ST13: variants seen among roughly 807,000 people sequenced by gnomAD.
ST13 encodes the protein ST13 Hsp70 interacting protein, also known as hsc70-interacting protein.
A neutral mutation model predicts 56.7 loss-of-function variants in ST13; 23 were observed. That is an observed-to-expected ratio of 0.41 (90% CI 0.29 to 0.57). The LOEUF (loss-of-function observed/expected upper bound fraction) is 0.57. Ranked by LOEUF, ST13 falls within the 20% of genes least tolerant of loss-of-function variation. The pLI, the probability that ST13 is intolerant of heterozygous loss-of-function variation, is 0.36. For synonymous variants in ST13, 132 were observed against 142.4 expected, an observed-to-expected ratio of 0.93 and a Z score of 0.52; for missense variants, 369 against 459.9, an observed-to-expected ratio of 0.80 and a Z score of 1.81.
At chr22:40,832,013 C>A (rs190775700) in intron 8 of ST13, 32 of 334,966 alleles carry the variant, frequency 9.6e-5, no homozygotes, top group African/African-American at 6.7e-4. Context: ...TGCCACCACA[C>A]CTGGCTAACT....
intron 4 of ST13, 51 bp downstream of exon 4, chr22:40,844,788 G>A (rs1202043081): frequency 7.0e-7 from 1 of 1,431,216 alleles, no homozygotes; most frequent in Non-Finnish European, 9.8e-7. Flanking sequence ...TGCAACAGCA[G>A]GACCTTTCAC....
At chr22:40,826,699 G>T in intron 11 of ST13, 33 bp from the exon 12 acceptor site, 1 of 1,605,450 alleles carries the variant, frequency 6.2e-7, no homozygotes. Flanking sequence ...TATTTAAAAA[G>T]TGTCCTACTG....
chr22:40,856,163 A>G (rs1160534407), intron 1 of ST13, among the ~76,000 whole-genome samples: 2 of 152,176 alleles, frequency 1.3e-5, no homozygotes, highest in Non-Finnish European at 2.9e-5. Context: ...GTGTCCACGC[A>G]TCCGCAGTCC....
At chr22:40,839,687 T>C (rs1443920667) in intron 5 of ST13, among the ~76,000 whole-genome samples, 1 of 147,028 alleles carries the variant, frequency 6.8e-6, no homozygotes, top group African/African-American at 2.5e-5. Context: ...ATTGCTCGAC[T>C]TGGGGTGGAG....
At chr22:40,829,376 G>A (rs2062482651) in intron 10 of ST13, among the ~76,000 whole-genome samples, 1 of 151,950 alleles carries the variant, frequency 6.6e-6, no homozygotes, top group Non-Finnish European at 1.5e-5. Flanking sequence ...CCTGTCCTCT[G>A]GTATTCAAAG....
At chr22:40,844,939 C>A (rs1488303536) in intron 3 of ST13, 30 bp from the exon 4 acceptor site, 7 of 1,554,618 alleles carry the variant, frequency 4.5e-6, no homozygotes, top group Non-Finnish European at 6.2e-6. Flanking sequence ...GACAATAAGA[C>A]CTGCACCGTA....
At chr22:40,839,835 G>C (rs2057794446) in intron 5 of ST13, among the ~76,000 whole-genome samples, 1 of 150,708 alleles carries the variant, frequency 6.6e-6, no homozygotes, top group African/African-American at 2.4e-5. Context: ...TGTTACCTTG[G>C]AGAGTTAAAA....
chr22:40,851,744 G>C (rs570127178), intron 1 of ST13, among the ~76,000 whole-genome samples: 16 of 151,506 alleles, frequency 1.1e-4, no homozygotes, highest in African/African-American at 2.2e-4. Flanking sequence ...AAACAGAAAG[G>C]GTTCTTTTTT....
chr22:40,838,987 T>C (rs2090492885), intron 5 of ST13, among the ~76,000 whole-genome samples: 1 of 152,048 alleles, frequency 6.6e-6, no homozygotes, highest in Admixed American at 6.6e-5. Context: ...ATACAGGATC[T>C]TAGTCTGGCA....
At chr22:40,829,430 A>G (rs976407021) in intron 10 of ST13, among the ~76,000 whole-genome samples, 196 bp downstream of exon 10, 3 of 152,204 alleles carry the variant, frequency 2.0e-5, no homozygotes, top group African/African-American at 7.2e-5. Flanking sequence ...AAAGAAAAAT[A>G]CGCTATTTTT....
chr22:40,841,382 T>C (rs948678951), intron 4 of ST13, among the ~76,000 whole-genome samples: 26 of 151,394 alleles, frequency 1.7e-4, no homozygotes, highest in African/African-American at 6.3e-4. Flanking sequence ...ACCCTACCCC[T>C]GCAAAAAAAG....
intron 9 of ST13, 36 bp downstream of exon 9, chr22:40,830,804 T>C: frequency 7.8e-6 from 11 of 1,412,120 alleles, no homozygotes; most frequent in Non-Finnish European, 1.1e-5. Context: ...TAATTTGCCG[T>C]ATTTTCCTTT....
intron 3 of ST13, among the ~76,000 whole-genome samples, chr22:40,847,099 T>C (rs1341800780): frequency 2.0e-5 from 3 of 152,180 alleles, no homozygotes; most frequent in East Asian, 3.8e-4. Flanking sequence ...TCCAAATTCA[T>C]GAAGAAATTT....
At chr22:40,829,424 A>C (rs943941783) in intron 10 of ST13, among the ~76,000 whole-genome samples, 1 of 152,236 alleles carries the variant, frequency 6.6e-6, no homozygotes, top group East Asian at 1.9e-4. Context: ...CATTTGAAAG[A>C]AAAATACGCT....
At chr22:40,840,135 G>A (rs2057796133) in intron 5 of ST13, among the ~76,000 whole-genome samples, 1 of 152,168 alleles carries the variant, frequency 6.6e-6, no homozygotes, top group African/African-American at 2.4e-5. Flanking sequence ...GGGCAACAGA[G>A]TGAGAATCCG....
chr22:40,841,335 A>G (rs2057803639), intron 4 of ST13, among the ~76,000 whole-genome samples: 1 of 151,898 alleles, frequency 6.6e-6, no homozygotes, highest in African/African-American at 2.4e-5. Context: ...GTGTCACTGT[A>G]CTCTAGCCTG....
chr22:40,831,681 C>G (rs2057754625), intron 8 of ST13, among the ~76,000 whole-genome samples: 1 of 152,168 alleles, frequency 6.6e-6, no homozygotes, highest in Non-Finnish European at 1.5e-5. Context: ...ACAATTCCCA[C>G]TATCTTAAAA....
At chr22:40,852,227 G>T (rs1186660006) in intron 1 of ST13, among the ~76,000 whole-genome samples, 1 of 152,222 alleles carries the variant, frequency 6.6e-6, no homozygotes, top group Non-Finnish European at 1.5e-5. Flanking sequence ...CTTGGCCAAT[G>T]CTTAGCTATT....
chr22:40,834,934 T>A (rs1393084015), intron 7 of ST13, among the ~76,000 whole-genome samples: 1 of 152,244 alleles, frequency 6.6e-6, no homozygotes, highest in African/African-American at 2.4e-5. Flanking sequence ...TTTATCTCCA[T>A]CCACATTTGA....
Sources: gnomAD v4.1 joint callset for allele counts (sites outside exome capture counted in the v4.1 genomes callset) on GRCh38, gnomAD v4.1.1 for gene constraint, MANE v1.5 for transcripts, NCBI Gene and HGNC (gene_info 2026-07-23, HGNC 2026-07-21) for gene names.